ITCH: variants seen among roughly 807,000 people sequenced by gnomAD.
ITCH encodes itchy E3 ubiquitin protein ligase.
Under a neutral mutation model 126.8 loss-of-function variants are expected in ITCH, and 28 were observed. The ratio of observed to expected loss-of-function variants is 0.22; its 90% CI spans 0.16 to 0.30. The LOEUF (loss-of-function observed/expected upper bound fraction) is 0.30, where lower values mean the gene tolerates loss of function less well. ITCH is among the 10% of genes least tolerant of loss of function. The probability of loss-of-function intolerance (pLI) is 1.00; values close to 1 mark genes in which losing one functional copy is unlikely to be tolerated. For missense variants in ITCH, 631 were observed against 1,032.4 expected (o/e 0.61, Z 5.33); for synonymous variants, 342 against 340.0 (o/e 1.01, Z -0.06).
intron 14 of ITCH, among the ~76,000 whole-genome samples, chr20:34,464,616 C>T (rs980674734): frequency 6.6e-6 from 1 of 152,022 alleles, no homozygotes; most frequent in Non-Finnish European, 1.5e-5. Flanking sequence ...TGTGAAGCTC[C>T]GCGCCCAGCC....
intron 14 of ITCH, among the ~76,000 whole-genome samples, chr20:34,465,791 G>A (rs1041021068): frequency 6.6e-6 from 1 of 152,000 alleles, no homozygotes; most frequent in Non-Finnish European, 1.5e-5. Context: ...ACTTACTCTG[G>A]CAGGGTTTTT....
At chr20:34,498,164 T>C (rs953317311) in intron 23 of ITCH, among the ~76,000 whole-genome samples, 3 of 152,236 alleles carry the variant, frequency 2.0e-5, no homozygotes, top group African/African-American at 7.2e-5. Flanking sequence ...ACGCTGCTGA[T>C]TTTTGTATGT....
intron 14 of ITCH, among the ~76,000 whole-genome samples, chr20:34,468,826 A>T (rs1238959507): frequency 3.9e-5 from 6 of 151,972 alleles, no homozygotes; most frequent in Admixed American, 3.9e-4. Context: ...GAAATATAAG[A>T]TGTATAAATT....
intron 17 of ITCH, among the ~76,000 whole-genome samples, chr20:34,478,844 G>A (rs1434114552): frequency 1.3e-5 from 2 of 152,114 alleles, no homozygotes; most frequent in African/African-American, 4.8e-5. Flanking sequence ...AAAGGCAATT[G>A]AAGAGGAGAG....
intron 3 of ITCH, among the ~76,000 whole-genome samples, chr20:34,402,961 A>G (rs1403298664): frequency 6.6e-6 from 1 of 152,156 alleles, no homozygotes; most frequent in East Asian, 1.9e-4. Context: ...TTACAGTGCA[A>G]TATATTTAGC....
rs1330523379 is a variant in ITCH at position 34,408,641 on chromosome 20, T to G, written c.71-10T>G. The G allele has an allele frequency of 2.5e-6, 4 of 1,609,588 alleles. No individual in the cohort carries two copies. Among genetic ancestry groups the G allele is most frequent in the Non-Finnish European group, 3.4e-6 (4 of 1,176,024 alleles). On this transcript the variant is annotated splice_polypyrimidine_tract_variant and intron_variant, in intron 3 of 24. Coordinates refer to ENST00000374864, the MANE Select transcript of ITCH (RefSeq NM_031483.7). ...CAACTATTGAAATGTTTTTCATTTC[T>G]TTTACATAGTCATCTCAGCAAAACT... is the stretch of plus-strand genomic sequence containing the variant.
chr20:34,423,903 C>T (rs974741565), intron 6 of ITCH, among the ~76,000 whole-genome samples: 6 of 152,094 alleles, frequency 3.9e-5, no homozygotes, highest in African/African-American at 1.2e-4. Flanking sequence ...GCACCTGGCT[C>T]CTCCAACACT....
chr20:34,428,178 G>A (rs1382506383), intron 7 of ITCH, among the ~76,000 whole-genome samples: 1 of 152,208 alleles, frequency 6.6e-6, no homozygotes, highest in Non-Finnish European at 1.5e-5. Flanking sequence ...TTTGTAAACT[G>A]TCAAAAGCTG....
intron 9 of ITCH, among the ~76,000 whole-genome samples, chr20:34,440,700 A>G (rs970393999): frequency 1.8e-4 from 28 of 151,888 alleles, no homozygotes; most frequent in Non-Finnish European, 3.5e-4. Context: ...TGATCCGACC[A>G]CCTCAACCTC....
intron 3 of ITCH, among the ~76,000 whole-genome samples, chr20:34,400,556 A>G (rs2038838931): frequency 6.6e-6 from 1 of 151,872 alleles, no homozygotes; most frequent in Non-Finnish European, 1.5e-5. Flanking sequence ...ATTTATTGCT[A>G]AGGGAGATGG....
At chr20:34,463,465 G>A (rs1033152518) in intron 14 of ITCH, among the ~76,000 whole-genome samples, 3 of 152,146 alleles carry the variant, frequency 2.0e-5, no homozygotes, top group Non-Finnish European at 4.4e-5. Context: ...GATGACTTTT[G>A]TATCTATTGC....
chr20:34,450,065 G>T (rs370446076), intron 12 of ITCH, among the ~76,000 whole-genome samples: 14 of 152,086 alleles, frequency 9.2e-5, no homozygotes, highest in African/African-American at 2.9e-4. Flanking sequence ...CATTAATAAT[G>T]TATACATGAG....
intron 23 of ITCH, among the ~76,000 whole-genome samples, chr20:34,501,448 G>A (rs896288858): frequency 7.2e-5 from 11 of 152,142 alleles, no homozygotes; most frequent in Admixed American, 5.9e-4. Context: ...ATAAGAAAAG[G>A]TTTAAGACAA....
chr20:34,472,372 TA>T (rs527802058), intron 16 of ITCH, among the ~76,000 whole-genome samples: 2,445 of 79,670 alleles, frequency 0.031, 57 homozygotes, highest in African/African-American at 0.087. Flanking sequence ...CATCTCAATT[TA>T]AAAAAAAAAA....
At chr20:34,478,143 A>C (rs565981525) in intron 17 of ITCH, among the ~76,000 whole-genome samples, 5 of 152,192 alleles carry the variant, frequency 3.3e-5, no homozygotes, top group Non-Finnish European at 2.9e-5. Flanking sequence ...TTAGAGACTC[A>C]CCTAAGGCAC....
chr20:34,396,635 A>T (rs2038687374), intron 3 of ITCH, among the ~76,000 whole-genome samples: 2 of 151,542 alleles, frequency 1.3e-5, no homozygotes, highest in South Asian at 4.2e-4. Flanking sequence ...CAGCCTTCTG[A>T]GTAGCTGGGA....
rs540203213 is a variant in ITCH, at chr20:34,438,587, C to A, written c.635C>A (p.Pro212His). Reference protein sequence around the residue: ...LSNGGFKPSRPPRPSRPPPPT... With the variant: ...LSNGGFKPSRHPRPSRPPPPT... ...AATGGTGGTTTTAAACCTTCTAGAC[C>A]TCCAAGACCTTCACGACCACCACCA... is the stretch of plus-strand genomic sequence containing the variant. The change falls in exon 8 of 25, where the codon CCT (proline) becomes CAT (histidine). Residue 212 changes from proline to histidine, a missense_variant. By Grantham distance (77) the Pro-to-His change is moderately conservative. Transcript: ENST00000374864. 2 of 1,613,912 alleles carry A rather than the reference C, an allele frequency of 1.2e-6. No homozygotes were observed. Among genetic ancestry groups the A allele is most frequent in the Non-Finnish European group, 1.7e-6 (2 of 1,180,028 alleles).
chr20:34,495,316 T>TATATATATACAC (rs796826383), intron 23 of ITCH, among the ~76,000 whole-genome samples: 4 of 132,272 alleles, frequency 3.0e-5, no homozygotes, highest in African/African-American at 8.2e-5. Context: ...TATATATATA[T>TATATATATACAC]ACACACGCAC....
Position 34,400,228 on chromosome 20 carries a change from C to T in ITCH, c.70+6347C>T, listed in dbSNP as rs1026867267. 8.5e-5 allele frequency among the ~76,000 whole-genome samples: 13 copies of T among 152,158 alleles called. No individual in the cohort carries two copies. The South Asian group carries it at 1.5e-3, about 17-fold the overall frequency. On this transcript the variant is annotated intron_variant, in intron 3 of 24. Transcript: ENST00000374864. ...CTGGAATTATAGGCGTGAGCCACTG[C>T]GCCCGGCCAAAAATTTTTTTTTGTA...
Sources: gnomAD v4.1 joint callset for allele counts (sites outside exome capture counted in the v4.1 genomes callset) on GRCh38, gnomAD v4.1.1 for gene constraint, MANE v1.5 for transcripts, NCBI Gene and HGNC (gene_info 2026-07-23, HGNC 2026-07-21) for gene names.